Variants in ZNF385D observed in about 807,000 individuals in gnomAD.
ZNF385D encodes zinc finger protein 385D, also known as zinc finger protein 659.
A neutral mutation model predicts 35.8 loss-of-function variants in ZNF385D; 15 were observed. The ratio of observed to expected loss-of-function variants is 0.42; its 90% CI spans 0.28 to 0.64. ZNF385D has a LOEUF of 0.64. ZNF385D is among the 30% of genes least tolerant of loss of function. The pLI is 0.23. For synonymous variants in ZNF385D, 212 were observed against 186.8 expected (o/e 1.13, Z -1.10); for missense variants, 474 against 494.6 (o/e 0.96, Z 0.39).
intron 3 of ZNF385D, among the ~76,000 whole-genome samples, chr3:21,922,379 A>G (rs1317887209): frequency 1.3e-5 from 2 of 152,168 alleles, no homozygotes; most frequent in African/African-American, 2.4e-5. Flanking sequence ...CATTGCCCAA[A>G]TTCAAACTAT....
intron 4 of ZNF385D, among the ~76,000 whole-genome samples, chr3:21,488,902 G>A (rs1705217468): frequency 3.9e-5 from 6 of 152,112 alleles, no homozygotes; most frequent in Admixed American, 3.9e-4. Context: ...CCTGAAGGTA[G>A]AACTTAGAAT....
At chr3:22,139,787 C>T (rs536889214) in intron 3 of ZNF385D, among the ~76,000 whole-genome samples, 16 of 151,974 alleles carry the variant, frequency 1.1e-4, no homozygotes, top group Admixed American at 9.2e-4. Context: ...AAGAATAGTT[C>T]ATTAAGTAGA....
chr3:22,196,008 A>G (rs537512406), intron 2 of ZNF385D, among the ~76,000 whole-genome samples: 5 of 152,118 alleles, frequency 3.3e-5, no homozygotes, highest in African/African-American at 1.2e-4. Context: ...AACAATACAC[A>G]TTGGGGTCTT....
intron 3 of ZNF385D, among the ~76,000 whole-genome samples, chr3:21,839,912 G>A (rs1695560054): frequency 6.6e-6 from 1 of 151,952 alleles, no homozygotes; most frequent in Non-Finnish European, 1.5e-5. Flanking sequence ...GACCGAGAGC[G>A]CACAGCCTTA....
At chr3:22,031,026 C>A (rs184702696) in intron 3 of ZNF385D, among the ~76,000 whole-genome samples, 193 of 152,348 alleles carry the variant, frequency 1.3e-3, no homozygotes, top group African/African-American at 4.4e-3. Context: ...TCCTTTGATT[C>A]TATGTCTCAT....
At chr3:21,703,243 G>A (rs577054912) in intron 1 of ZNF385D, among the ~76,000 whole-genome samples, 2 of 152,258 alleles carry the variant, frequency 1.3e-5, no homozygotes, top group South Asian at 4.1e-4. Flanking sequence ...GAAAAATAAG[G>A]AAGAAGCAAA....
chr3:22,160,569 A>G (rs933105003), intron 3 of ZNF385D, among the ~76,000 whole-genome samples: 1 of 152,152 alleles, frequency 6.6e-6, no homozygotes, highest in Admixed American at 6.6e-5. Context: ...AATGGAAAGA[A>G]AAAAGAATAG....
At chr3:22,034,585 T>C (rs1698200735) in intron 3 of ZNF385D, among the ~76,000 whole-genome samples, 1 of 152,200 alleles carries the variant, frequency 6.6e-6, no homozygotes, top group Admixed American at 6.5e-5. Flanking sequence ...TATGTATTAA[T>C]ATCATATATT....
intron 2 of ZNF385D, among the ~76,000 whole-genome samples, chr3:22,214,000 G>C (rs370618095): frequency 6.6e-6 from 1 of 152,010 alleles, no homozygotes; most frequent in Non-Finnish European, 1.5e-5. Context: ...ATTTGCCATA[G>C]GTTGGACAGT....
intron 2 of ZNF385D, among the ~76,000 whole-genome samples, chr3:21,612,158 A>C (rs1289201559): frequency 6.6e-6 from 1 of 152,148 alleles, no homozygotes; most frequent in African/African-American, 2.4e-5. Flanking sequence ...GGCTCAGTGC[A>C]ACCTCCGCCT....
At chr3:21,869,550 A>G (rs1052120308) in intron 3 of ZNF385D, among the ~76,000 whole-genome samples, 2 of 152,166 alleles carry the variant, frequency 1.3e-5, no homozygotes, top group African/African-American at 4.8e-5. Flanking sequence ...AGGCACCATT[A>G]AACTATTTCT....
intron 2 of ZNF385D, among the ~76,000 whole-genome samples, chr3:21,647,319 ATCCT>A (rs983831408): frequency 6.4e-4 from 95 of 148,982 alleles, no homozygotes; most frequent in Middle Eastern, 6.9e-3. Context: ...TAATTAATCC[ATCCT>A]TCCTTCCTTC....
intron 2 of ZNF385D, among the ~76,000 whole-genome samples, chr3:22,245,974 T>C (rs1472660005): frequency 6.6e-6 from 1 of 152,042 alleles, no homozygotes; most frequent in East Asian, 1.9e-4. Flanking sequence ...AAGAGCTCAG[T>C]CCCAACCAAT....
At position 21,539,815 on chromosome 3, in the gene ZNF385D, T is replaced by C. The variant is rs2062128386; in HGVS notation, c.276+24759A>G. Reference sequence around the variant, plus strand: ...CGGTCTTAAGAAATATGGGTTGGCTTGGAGAAATAAGAAATATTTTTACTA... The same window carrying C: ...CGGTCTTAAGAAATATGGGTTGGCTCGGAGAAATAAGAAATATTTTTACTA... On this transcript the variant is annotated intron_variant, in intron 3 of 7. Coordinates refer to ENST00000281523, the MANE Select transcript of ZNF385D (RefSeq NM_024697.3). The surrounding 1 kb of genome is among the most constrained non-coding windows in gnomAD (Gnocchi z 4.0). 6.6e-6 allele frequency among the ~76,000 whole-genome samples: 1 copy of C among 152,158 alleles called. No homozygotes were observed. The highest frequency in any genetic ancestry group is 1.5e-5 in the Non-Finnish European group (1 of 67,994).
At chr3:22,079,520 CA>C (rs1476828425) in intron 3 of ZNF385D, among the ~76,000 whole-genome samples, 1 of 151,742 alleles carries the variant, frequency 6.6e-6, no homozygotes, top group Non-Finnish European at 1.5e-5. Flanking sequence ...TGGTAATTAC[CA>C]ATTAGTAGAT....
intron 3 of ZNF385D, among the ~76,000 whole-genome samples, chr3:21,943,889 G>A (rs1268331004): frequency 6.6e-6 from 1 of 152,112 alleles, no homozygotes; most frequent in Non-Finnish European, 1.5e-5. Flanking sequence ...TACATTTGAC[G>A]ACAAGAATTA....
intron 3 of ZNF385D, among the ~76,000 whole-genome samples, chr3:21,930,385 C>A (rs903345725): frequency 6.6e-5 from 10 of 151,104 alleles, no homozygotes; most frequent in Non-Finnish European, 1.5e-4. Flanking sequence ...TAGGCAATTG[C>A]TACTCAGCTA....
intron 1 of ZNF385D, among the ~76,000 whole-genome samples, chr3:21,720,509 G>T (rs566417310): frequency 4.3e-4 from 65 of 152,174 alleles, no homozygotes; most frequent in Non-Finnish European, 8.2e-4. Flanking sequence ...AGCTATGACT[G>T]TGCCACTGCA....
intron 3 of ZNF385D, among the ~76,000 whole-genome samples, chr3:22,029,734 T>G (rs1697806879): frequency 6.6e-6 from 1 of 152,174 alleles, no homozygotes; most frequent in South Asian, 2.1e-4. Flanking sequence ...AGTATTTGGG[T>G]TGGGGATTGG....
Sources: gnomAD v4.1 joint callset for allele counts (sites outside exome capture counted in the v4.1 genomes callset) on GRCh38, gnomAD v4.1.1 for gene constraint, Gnocchi (gnomAD v3.1) non-coding constraint, MANE v1.5 for transcripts, NCBI Gene and HGNC (gene_info 2026-07-23, HGNC 2026-07-21) for gene names.